The following ERC1 variants were observed in gnomAD, a reference collection of about 807,000 sequenced individuals.
ERC1 encodes the protein ELKS/RAB6-interacting/CAST family member 1, also known as RAB6 interacting protein 2.
In ERC1, 56 loss-of-function variants were observed where a neutral mutation model predicts 132.0. The ratio of observed to expected loss-of-function variants is 0.42; its 90% CI spans 0.34 to 0.53. The LOEUF (loss-of-function observed/expected upper bound fraction) is 0.53, where lower values mean the gene tolerates loss of function less well. Ranked by LOEUF, ERC1 falls within the 20% of genes least tolerant of loss-of-function variation. ERC1 has a pLI of 0.03. For missense variants in ERC1, 1,202 were observed against 1,349.9 expected (o/e 0.89, Z 1.72); for synonymous variants, 478 against 476.1 (o/e 1.00, Z -0.05).
chr12:1,075,986 A>G (rs1941277025), intron 2 of ERC1, among the ~76,000 whole-genome samples: 2 of 152,190 alleles, frequency 1.3e-5, no homozygotes, highest in South Asian at 4.1e-4. Flanking sequence ...GAGATATATT[A>G]AAGTTTTATG....
chr12:1,147,452 T>C (rs567908470), intron 8 of ERC1, among the ~76,000 whole-genome samples: 1 of 152,336 alleles, frequency 6.6e-6, no homozygotes, highest in South Asian at 2.1e-4. Flanking sequence ...CTTAATAGTT[T>C]CAAAACATTT....
At chr12:1,306,338 TC>T (rs35654220) in intron 15 of ERC1, among the ~76,000 whole-genome samples, 1 of 152,202 alleles carries the variant, frequency 6.6e-6, no homozygotes, top group Non-Finnish European at 1.5e-5. Flanking sequence ...AGGGGCTTGT[TC>T]CATGTGGCAA....
In ERC1 at chr12:1,049,357, G is replaced by A. The variant is rs116269823; in HGVS notation, c.669+20785G>A. On this transcript the variant is annotated intron_variant, in intron 2 of 18. Coordinates refer to ENST00000360905, the MANE Select transcript of ERC1 (RefSeq NM_178040.4). ...AACATCTCTAGCTGAACCCAGATCA[G>A]TGATTCTCAACCTTGGCTGCATATT... 9.5e-3 allele frequency among the ~76,000 whole-genome samples: 1,453 copies of A among 152,278 alleles called. 20 individuals carry two copies. Among genetic ancestry groups the A allele is most frequent in the African/African-American group, 0.033 (1,360 of 41,564 alleles).
intron 13 of ERC1, among the ~76,000 whole-genome samples, chr12:1,261,462 AATC>A (rs2077138582): frequency 6.6e-6 from 1 of 152,200 alleles, no homozygotes; most frequent in Non-Finnish European, 1.5e-5. Context: ...AGACTGAACT[AATC>A]ATTGCATCCA....
chr12:1,320,255 C>T (rs906841086), intron 15 of ERC1, among the ~76,000 whole-genome samples: 5 of 152,084 alleles, frequency 3.3e-5, no homozygotes, highest in Admixed American at 1.3e-4. Context: ...AACATAATGG[C>T]GTATTTTATT....
rs763662177 is a variant in ERC1, at chr12:1,180,691, C to A, written c.1875+14C>A. ...CTTGCAGAGAAAGTGAGTGGCTGGC[C>A]CCAACTCTCCACACACGTTTTCTGC... On this transcript the variant is annotated intron_variant, in intron 9 of 18. Transcript: ENST00000360905. 2 of 1,613,694 alleles carry A rather than the reference C, an allele frequency of 1.2e-6. No homozygotes were observed. Among genetic ancestry groups the A allele is most frequent in the South Asian group, 1.1e-5 (1 of 91,058 alleles).
intron 15 of ERC1, among the ~76,000 whole-genome samples, chr12:1,328,145 G>T (rs967295315): frequency 6.6e-6 from 1 of 151,942 alleles, no homozygotes; most frequent in Non-Finnish European, 1.5e-5. Context: ...GTTTGTGTTT[G>T]TTTGTTTGTT....
intron 7 of ERC1, among the ~76,000 whole-genome samples, chr12:1,120,353 A>G (rs1008370495): frequency 3.9e-5 from 6 of 152,120 alleles, no homozygotes; most frequent in Non-Finnish European, 8.8e-5. Flanking sequence ...AGTTTATAGC[A>G]CTTTGATTTG....
At chr12:1,038,388 G>A (rs1008251910) in intron 2 of ERC1, among the ~76,000 whole-genome samples, 4 of 150,860 alleles carry the variant, frequency 2.7e-5, no homozygotes, top group African/African-American at 9.7e-5. Context: ...TTGAGACGGA[G>A]TCTCGCTCTG....
At chr12:1,181,084 A>G (rs1257514124) in intron 9 of ERC1, among the ~76,000 whole-genome samples, 2 of 152,182 alleles carry the variant, frequency 1.3e-5, no homozygotes, top group African/African-American at 2.4e-5. Flanking sequence ...AAGTGTTGGG[A>G]TTACAGGCAT....
intron 18 of ERC1, among the ~76,000 whole-genome samples, chr12:1,488,673 G>T (rs564083126): frequency 1.3e-5 from 2 of 152,340 alleles, no homozygotes; most frequent in African/African-American, 4.8e-5. Flanking sequence ...CAGAGCCTAT[G>T]TTCTTAACTA....
intron 1 of ERC1, among the ~76,000 whole-genome samples, chr12:1,003,029 T>C (rs1962722396): frequency 6.7e-6 from 1 of 148,752 alleles, no homozygotes; most frequent in African/African-American, 2.5e-5. Context: ...GGAGGGTGGA[T>C]TGCTTGAGTC....
At position 1,494,399 on chromosome 12, in the gene ERC1, A is replaced by G. The variant is rs1291028129; in HGVS notation, c.*4169A>G. On this transcript the variant is annotated 3_prime_UTR_variant, in exon 19 of 19. Transcript: ENST00000360905. ...AGGGAAGAATTAGGCAAGAAAAGAC[A>G]TACATTACAGGGAAATCCTTCTGAA... 3 of 232,132 alleles carry G rather than the reference A, an allele frequency of 1.3e-5. No homozygotes were observed. Among genetic ancestry groups the G allele is most frequent in the Non-Finnish European group, 2.6e-5 (3 of 117,426 alleles). The allele number at this position is 232,132 out of a possible 1,614,324, so 14.4% of individuals were successfully genotyped here. A position where few individuals can be genotyped will look rare whatever the true frequency, so the allele number is the denominator to read the frequency against.
chr12:1,302,963 G>A (rs753146183), intron 15 of ERC1, among the ~76,000 whole-genome samples: 1 of 152,004 alleles, frequency 6.6e-6, no homozygotes, highest in Non-Finnish European at 1.5e-5. Flanking sequence ...ATCTTGTCTC[G>A]AAAAGAAAAA....
intron 3 of ERC1, among the ~76,000 whole-genome samples, chr12:1,091,349 A>G (rs939307757): frequency 5.3e-5 from 8 of 152,308 alleles, no homozygotes; most frequent in Admixed American, 2.0e-4. Context: ...TTTAGTAGGT[A>G]CCCTTTCAGT....
intron 13 of ERC1, among the ~76,000 whole-genome samples, chr12:1,237,522 G>C (rs919680453): frequency 3.7e-4 from 56 of 152,160 alleles, no homozygotes; most frequent in African/African-American, 1.3e-3. Context: ...TGCCAGTTAG[G>C]TCCTCAGTAT....
At chr12:1,430,509 C>T (rs2154403489) in intron 17 of ERC1, 1 of 152,386 alleles carries the variant, frequency 6.6e-6, no homozygotes, top group South Asian at 2.1e-4. Context: ...TCCCGAGTAT[C>T]TGGGATTACA....
chr12:1,322,582 C>A (rs2082186285), intron 15 of ERC1, among the ~76,000 whole-genome samples: 1 of 152,080 alleles, frequency 6.6e-6, no homozygotes, highest in East Asian at 1.9e-4. Context: ...CAAACCCATG[C>A]CAGAGAGGGG....
chr12:1,132,856 T>G (rs752079322), intron 7 of ERC1, among the ~76,000 whole-genome samples: 9 of 106,642 alleles, frequency 8.4e-5, no homozygotes, highest in Admixed American at 7.9e-4. Flanking sequence ...ATAATGTGGG[T>G]TTTTTTTTTT....
Sources: gnomAD v4.1 joint callset for allele counts (sites outside exome capture counted in the v4.1 genomes callset) on GRCh38, gnomAD v4.1.1 for gene constraint, MANE v1.5 for transcripts, NCBI Gene and HGNC (gene_info 2026-07-23, HGNC 2026-07-21) for gene names.